CMTM4: variants seen among roughly 807,000 people sequenced by gnomAD.
CMTM4 encodes the protein CKLF-like MARVEL transmembrane domain-containing protein 4.
CMTM4 carries 8 observed loss-of-function variants against 19.0 expected under a neutral mutation model. That is an observed-to-expected ratio of 0.42 (90% CI 0.25 to 0.76). CMTM4 has a LOEUF of 0.76. CMTM4 is among the 30% of genes least tolerant of loss of function. The probability of loss-of-function intolerance (pLI) is 0.27; values close to 1 mark genes in which losing one functional copy is unlikely to be tolerated. For synonymous variants in CMTM4, 106 were observed against 121.1 expected (o/e 0.88, Z 0.82); for missense variants, 228 against 290.2 (o/e 0.79, Z 1.56).
chr16:66,692,715 G>A (rs1277184529), intron 1 of CMTM4, among the ~76,000 whole-genome samples: 1 of 151,766 alleles, frequency 6.6e-6, no homozygotes. Flanking sequence ...AGACCAGCCT[G>A]GCCAACATGG....
rs141184007 is a variant in CMTM4, at chr16:66,615,151, G to A, written c.*6907C>T. On this transcript the variant is annotated 3_prime_UTR_variant, in exon 4 of 4. Coordinates refer to ENST00000394106, the MANE Select transcript of CMTM4 (RefSeq NM_181521.3). The surrounding 1 kb of genome is among the most constrained non-coding windows in gnomAD (Gnocchi z 4.9). ...CCCACAGTTGTGTCTTTAAACTGCC[G>A]AAATGAAAGAGACTTGATGAGTAAA... 5.3e-5 allele frequency: 8 copies of A among 152,352 alleles called. No homozygotes were observed. Among genetic ancestry groups the A allele is most frequent in the South Asian group, 2.1e-4 (1 of 4,818 alleles). The allele number at this position is 152,352 out of a possible 1,614,324, so 9.4% of individuals were successfully genotyped here.
chr16:66,686,492 T>C (rs2017034835), intron 1 of CMTM4, among the ~76,000 whole-genome samples: 3 of 141,678 alleles, frequency 2.1e-5, no homozygotes. Flanking sequence ...GAGGTTGCAG[T>C]GAGCCAAGAT....
chr16:66,684,334 T>A (rs1331217180), intron 1 of CMTM4, among the ~76,000 whole-genome samples: 2 of 152,014 alleles, frequency 1.3e-5, no homozygotes, highest in Non-Finnish European at 2.9e-5. Context: ...CCACCAAGCC[T>A]AGCTAATTTT....
In CMTM4 at chr16:66,618,870, G is replaced by A. The variant is rs867473522; in HGVS notation, c.*3188C>T. 3.1e-5 allele frequency: 31 copies of A among 985,540 alleles called. No individual in the cohort carries two copies. The highest frequency in any genetic ancestry group is 1.2e-4 in the Admixed American group (2 of 16,296). 61.0% of individuals were successfully genotyped at this position (985,540 alleles called of 1,614,324 possible). ...CTGCCAGGGGACAGTAACAGGGCCC[G>A]AAGGGCTGGGGGTGCCGCTGGCTTC... is the stretch of plus-strand genomic sequence containing the variant. On this transcript the variant is annotated 3_prime_UTR_variant, in exon 4 of 4. Coordinates refer to ENST00000394106, the MANE Select transcript of CMTM4 (RefSeq NM_181521.3).
At chr16:66,630,193 T>C (rs1240392823) in intron 2 of CMTM4, among the ~76,000 whole-genome samples, 2 of 151,874 alleles carry the variant, frequency 1.3e-5, no homozygotes, top group African/African-American at 2.4e-5. Flanking sequence ...TTGAACGGAA[T>C]TGTTAAACAC....
rs2017239415 is a variant in CMTM4, at chr16:66,696,477, T to C, written c.49A>G (p.Thr17Ala). 2.3e-6 allele frequency: 3 copies of C among 1,282,430 alleles called. No homozygotes were observed. Among genetic ancestry groups the C allele is most frequent in the South Asian group, 2.2e-5 (1 of 45,968 alleles). 79.4% of individuals were successfully genotyped at this position (1,282,430 alleles called of 1,614,324 possible). A position where few individuals can be genotyped will look rare whatever the true frequency, so the allele number is the denominator to read the frequency against. The change falls in exon 1 of 4, where the codon ACC (threonine) becomes GCC (alanine). Residue 17 changes from threonine (T) to alanine (A), a missense_variant. Around this residue, in one of 3 missense-constraint regions of CMTM4, gnomAD observed 21 missense variants for 43.1 expected, o/e 0.49. Transcript: ENST00000394106. The surrounding 1 kb of genome is among the most constrained non-coding windows in gnomAD (Gnocchi z 4.3). ...LDGFEGEASS[T>A]SMISGASSPY... Reference sequence around the variant, plus strand: ...CTGCTGGCGCCCGAGATCATGGAGGTGCTCGAGGCCTCGCCCTCGAAGCCG... The same window carrying C: ...CTGCTGGCGCCCGAGATCATGGAGGCGCTCGAGGCCTCGCCCTCGAAGCCG...
At chr16:66,681,884 C>T (rs2016922283) in intron 1 of CMTM4, among the ~76,000 whole-genome samples, 1 of 152,206 alleles carries the variant, frequency 6.6e-6, no homozygotes, top group South Asian at 2.1e-4. Flanking sequence ...TGGACCCTAG[C>T]ACCTGGGATA....
chr16:66,608,477 G>T, the CMTM4 span: 3 of 1,613,052 alleles, frequency 1.9e-6, 1 homozygote, highest in African/African-American at 4.0e-5. This position sits in a 1 kb window ranked among gnomAD's most constrained non-coding sequence, Gnocchi z 5.1. Context: ...GAGGACAGGG[G>T]CCCCAGGAGG....
the CMTM4 span, among the ~76,000 whole-genome samples, chr16:66,601,155 T>C: frequency 1.0e-3 from 151 of 150,712 alleles, no homozygotes; most frequent in African/African-American, 3.5e-3. Context: ...GGGGAGGAGA[T>C]GGAAGTGTTA....
At chr16:66,664,027 G>T (rs753482099) in intron 1 of CMTM4, among the ~76,000 whole-genome samples, 41 of 152,072 alleles carry the variant, frequency 2.7e-4, no homozygotes, top group Non-Finnish European at 5.3e-4. Flanking sequence ...GAGCTCAGGA[G>T]TTTGAGACCA....
chr16:66,631,621 A>G (rs1283398746), intron 2 of CMTM4, among the ~76,000 whole-genome samples: 5 of 152,130 alleles, frequency 3.3e-5, no homozygotes, highest in East Asian at 1.9e-4. Flanking sequence ...CTGTTGATCT[A>G]TGACCTTACC....
At chr16:66,601,113 G>C in the CMTM4 span, among the ~76,000 whole-genome samples, 2 of 150,032 alleles carry the variant, frequency 1.3e-5, no homozygotes, top group African/African-American at 2.5e-5. Flanking sequence ...GTGTCTGTGT[G>C]TGTGTGTGTG....
chr16:66,692,233 G>C (rs183912816), intron 1 of CMTM4, among the ~76,000 whole-genome samples: 1 of 152,214 alleles, frequency 6.6e-6, no homozygotes, highest in Admixed American at 6.5e-5. Context: ...TGGGATTACA[G>C]GCACTCGCTA....
At position 66,619,429 on chromosome 16, in the gene CMTM4, AC is replaced by A. The variant is rs1191242429; in HGVS notation, c.*2628del. On this transcript the variant is annotated 3_prime_UTR_variant, in exon 4 of 4. Transcript: ENST00000394106. ...TAAATGTGAAAACCAATATCGTCCC[AC>A]CAGAACACTGAGAAAAACTAAGGTC... 6 of 985,478 alleles carry A rather than the reference AC, an allele frequency of 6.1e-6. No homozygotes were observed. Among genetic ancestry groups the A allele is most frequent in the Non-Finnish European group, 7.2e-6 (6 of 829,950 alleles). 61.0% of individuals were successfully genotyped at this position (985,478 alleles called of 1,614,324 possible).
chr16:66,692,601 A>G (rs899310567), intron 1 of CMTM4, among the ~76,000 whole-genome samples: 1 of 152,226 alleles, frequency 6.6e-6, no homozygotes, highest in African/African-American at 2.4e-5. Context: ...ATAGGCCACA[A>G]AAAACACCAC....
chr16:66,640,869 T>G (rs2016087266), intron 1 of CMTM4, among the ~76,000 whole-genome samples: 1 of 152,040 alleles, frequency 6.6e-6, no homozygotes, highest in African/African-American at 2.4e-5. Context: ...AACTAAAGCC[T>G]CCTGCCAACA....
At chr16:66,612,889 A>T, downstream of CMTM4, 1 of 614,544 alleles carries the variant, frequency 1.6e-6, no homozygotes, top group Non-Finnish European at 2.9e-6. This position sits in a 1 kb window ranked among gnomAD's most constrained non-coding sequence, Gnocchi z 6.0. Flanking sequence ...TTTCTGTCCC[A>T]CAGGCCTTCA....
chr16:66,610,060 G>T, downstream of CMTM4: 2 of 1,598,524 alleles, frequency 1.3e-6, no homozygotes, highest in Non-Finnish European at 1.7e-6. This position sits in a 1 kb window ranked among gnomAD's most constrained non-coding sequence, Gnocchi z 4.6. Flanking sequence ...GCCCTCCCTC[G>T]GGGATGCCAG....
chr16:66,650,831 A>G (rs984944079), intron 1 of CMTM4, among the ~76,000 whole-genome samples: 2 of 152,182 alleles, frequency 1.3e-5, no homozygotes, highest in African/African-American at 4.8e-5. Flanking sequence ...AAAACATGGA[A>G]GCTCATTTAC....
Sources: gnomAD v4.1 joint callset for allele counts (sites outside exome capture counted in the v4.1 genomes callset) on GRCh38, gnomAD v4.1.1 for gene constraint, gnomAD v4.1.1 regional missense constraint, Gnocchi (gnomAD v3.1) non-coding constraint, MANE v1.5 for transcripts, NCBI Gene and HGNC (gene_info 2026-07-23, HGNC 2026-07-21) for gene names.